The following BBX variants were observed in gnomAD, a reference collection of about 807,000 sequenced individuals.
BBX encodes the protein HMG box transcription factor BBX.
BBX carries 30 observed loss-of-function variants against 100.2 expected under a neutral mutation model. The observed-to-expected ratio is 0.30, with a 90% CI of 0.22 to 0.41. BBX has a LOEUF of 0.41. Ranked by LOEUF, BBX falls within the 10% of genes least tolerant of loss-of-function variation. The probability of loss-of-function intolerance (pLI) is 1.00; values close to 1 mark genes in which losing one functional copy is unlikely to be tolerated. For synonymous variants in BBX, 376 were observed against 388.1 expected, an observed-to-expected ratio of 0.97 and a Z score of 0.37; for missense variants, 1,023 against 1,129.8, an observed-to-expected ratio of 0.91 and a Z score of 1.35.
chr3:107,575,657 A>ATT (rs36057521), intron 2 of BBX, among the ~76,000 whole-genome samples: 1 of 150,798 alleles, frequency 6.6e-6, no homozygotes, highest in African/African-American at 2.4e-5. Flanking sequence ...CCATGGCTGA[A>ATT]TTTTTTTTTT....
At chr3:107,554,082 A>T (rs996997107) in intron 2 of BBX, among the ~76,000 whole-genome samples, 1 of 152,200 alleles carries the variant, frequency 6.6e-6, no homozygotes, top group Non-Finnish European at 1.5e-5. Flanking sequence ...TATGCATCAA[A>T]TGTTGATAGG....
chr3:107,559,472 A>G (rs1241303769), intron 2 of BBX, among the ~76,000 whole-genome samples: 3 of 152,210 alleles, frequency 2.0e-5, no homozygotes, highest in Non-Finnish European at 4.4e-5. Context: ...CAGTCCTTTT[A>G]CAGATATAAT....
chr3:107,628,414 A>G (rs2056341498), intron 2 of BBX, among the ~76,000 whole-genome samples: 1 of 152,056 alleles, frequency 6.6e-6, no homozygotes, highest in Admixed American at 6.5e-5. Context: ...CCAATTTTTA[A>G]AATAAAATAT....
intron 3 of BBX, among the ~76,000 whole-genome samples, chr3:107,682,473 G>A (rs1281100684): frequency 6.6e-6 from 1 of 151,806 alleles, no homozygotes; most frequent in African/African-American, 2.4e-5. Context: ...GGGACCGAAG[G>A]GTCTACTCCA....
intron 5 of BBX, among the ~76,000 whole-genome samples, chr3:107,724,452 T>C (rs1271550469): frequency 6.6e-6 from 1 of 152,154 alleles, no homozygotes; most frequent in Non-Finnish European, 1.5e-5. Flanking sequence ...TTGCCATTGC[T>C]TTTGGTGTTT....
chr3:107,678,543 G>A (rs535567806), intron 3 of BBX, among the ~76,000 whole-genome samples: 1 of 152,058 alleles, frequency 6.6e-6, no homozygotes, highest in Middle Eastern at 3.2e-3. Flanking sequence ...AGGCAACACA[G>A]TGAGACCTCG....
intron 11 of BBX, 53 bp from the exon 12 acceptor site, chr3:107,774,666 C>T: frequency 6.4e-7 from 1 of 1,570,508 alleles, no homozygotes. Context: ...CTAACATCAT[C>T]TCCCCTCGCC....
chr3:107,580,230 G>C (rs767452998), intron 2 of BBX, among the ~76,000 whole-genome samples: 3 of 151,964 alleles, frequency 2.0e-5, no homozygotes, highest in Non-Finnish European at 2.9e-5. Context: ...TCTTTATCAT[G>C]CTTTTTTCAT....
intron 3 of BBX, among the ~76,000 whole-genome samples, chr3:107,690,075 C>T (rs1419071609): frequency 6.6e-6 from 1 of 151,982 alleles, no homozygotes; most frequent in East Asian, 1.9e-4. Context: ...GCAGTACTAG[C>T]TTTTTGTATA....
At chr3:107,654,981 A>G (rs1191044523) in intron 3 of BBX, among the ~76,000 whole-genome samples, 2 of 152,196 alleles carry the variant, frequency 1.3e-5, no homozygotes, top group African/African-American at 2.4e-5. Context: ...TTGCTTCTTA[A>G]CTGGTCCTTG....
intron 7 of BBX, among the ~76,000 whole-genome samples, chr3:107,738,153 C>G (rs1321436789): frequency 6.6e-6 from 1 of 151,708 alleles, no homozygotes; most frequent in Non-Finnish European, 1.5e-5. Context: ...TTTCTTGAGC[C>G]ATATTCAATT....
chr3:107,705,183 C>T (rs7619002), intron 3 of BBX, among the ~76,000 whole-genome samples: 148,375 of 152,214 alleles, frequency 0.97, 72,321 homozygotes, highest in East Asian at 1. Context: ...TGGAGAAGGC[C>T]GTGCGGTTTT....
At chr3:107,621,295 G>A (rs2055749007) in intron 2 of BBX, among the ~76,000 whole-genome samples, 1 of 152,132 alleles carries the variant, frequency 6.6e-6, no homozygotes, top group African/African-American at 2.4e-5. Context: ...TGAAGTGAAA[G>A]GAAAATCCAG....
At chr3:107,642,265 A>G (rs549533854) in intron 2 of BBX, among the ~76,000 whole-genome samples, 1 of 152,252 alleles carries the variant, frequency 6.6e-6, no homozygotes, top group East Asian at 1.9e-4. Flanking sequence ...TACAAACACA[A>G]CTCCATTATA....
intron 3 of BBX, among the ~76,000 whole-genome samples, chr3:107,692,968 A>T (rs2060288493): frequency 6.7e-6 from 1 of 149,030 alleles, no homozygotes; most frequent in African/African-American, 2.5e-5. Flanking sequence ...GCATTTTTTC[A>T]TGTGTTTTTT....
chr3:107,755,525 A>T, intron 9 of BBX, 73 bp from the exon 10 acceptor site: 1 of 1,332,266 alleles, frequency 7.5e-7, no homozygotes. Flanking sequence ...AAAATTCCTG[A>T]ATGTATATGA....
At chr3:107,665,034 C>A (rs1169260338) in intron 3 of BBX, among the ~76,000 whole-genome samples, 3 of 152,026 alleles carry the variant, frequency 2.0e-5, no homozygotes, top group Non-Finnish European at 4.4e-5. Flanking sequence ...ATGGGTACTT[C>A]GTGTTTTATA....
intron 2 of BBX, among the ~76,000 whole-genome samples, chr3:107,534,789 C>A (rs1321898842): frequency 1.3e-5 from 2 of 152,158 alleles, no homozygotes; most frequent in Non-Finnish European, 2.9e-5. Context: ...ATTAAGGCAC[C>A]TGTTGTTTTT....
chr3:107,721,517 A>G (rs1397624496), intron 5 of BBX, among the ~76,000 whole-genome samples: 1 of 151,994 alleles, frequency 6.6e-6, no homozygotes, highest in Non-Finnish European at 1.5e-5. Context: ...CATTTGTGGA[A>G]TATAGATAGT....
Sources: gnomAD v4.1 joint callset for allele counts (sites outside exome capture counted in the v4.1 genomes callset) on GRCh38, gnomAD v4.1.1 for gene constraint, MANE v1.5 for transcripts, NCBI Gene and HGNC (gene_info 2026-07-23, HGNC 2026-07-21) for gene names.